The following STRN variants were observed in gnomAD, a reference collection of about 807,000 sequenced individuals.
STRN encodes protein phosphatase 2 regulatory subunit B'''alpha.
Under a neutral mutation model 96.3 loss-of-function variants are expected in STRN, and 53 were observed. The observed-to-expected ratio is 0.55, with a 90% CI of 0.44 to 0.69. The LOEUF is 0.69. Ranked by LOEUF, STRN falls within the 30% of genes least tolerant of loss-of-function variation. The probability of loss-of-function intolerance (pLI) is 0.00; values close to 1 mark genes in which losing one functional copy is unlikely to be tolerated. For synonymous variants in STRN, 428 were observed against 355.9 expected (o/e 1.20, Z -2.28); for missense variants, 987 against 963.9 (o/e 1.02, Z -0.32).
intron 1 of STRN, among the ~76,000 whole-genome samples, chr2:36,944,772 G>T (rs1306402781): frequency 6.6e-6 from 1 of 152,156 alleles, no homozygotes; most frequent in Non-Finnish European, 1.5e-5. Flanking sequence ...AGTTCAGAGA[G>T]GAGGAAACCC....
chr2:36,893,165 T>G (rs969447555), intron 7 of STRN, among the ~76,000 whole-genome samples: 1 of 152,218 alleles, frequency 6.6e-6, no homozygotes, highest in Non-Finnish European at 1.5e-5. Context: ...ATCCTGCTGC[T>G]GCAACTCAGT....
chr2:36,900,327 TTC>T (rs1669650336), intron 5 of STRN, among the ~76,000 whole-genome samples: 1 of 152,180 alleles, frequency 6.6e-6, no homozygotes, highest in Admixed American at 6.5e-5. Flanking sequence ...TCTACTCTTA[TTC>T]TCTCTACAAC....
chr2:36,966,179 G>C, intron 1 of STRN, 51 bp downstream of exon 1: 1 of 1,457,416 alleles, frequency 6.9e-7, no homozygotes, highest in East Asian at 2.9e-5. Context: ...GGGCGGGGCG[G>C]AAGGGAGCAA....
rs376105901 is a variant in STRN at position 36,901,506 on chromosome 2, G to A, written c.659+1078C>T. On this transcript the variant is annotated intron_variant, in intron 5 of 17. Coordinates refer to ENST00000263918, the MANE Select transcript of STRN (RefSeq NM_003162.4). Reference sequence around the variant, plus strand: ...GGCAGAGTTTGCAGTGAGCTGAGATGGCGCCACTGCACTCCAGCCTGGGTG... The same window carrying A: ...GGCAGAGTTTGCAGTGAGCTGAGATAGCGCCACTGCACTCCAGCCTGGGTG... 4.7e-5 allele frequency among the ~76,000 whole-genome samples: 7 copies of A among 149,150 alleles called. No individual in the cohort carries two copies. In the East Asian group the frequency reaches 1.4e-3, roughly 29 times the overall value.
At chr2:36,960,611 T>A (rs1472312081) in intron 1 of STRN, among the ~76,000 whole-genome samples, 1 of 152,206 alleles carries the variant, frequency 6.6e-6, no homozygotes, top group Admixed American at 6.5e-5. Context: ...CAAGGTAATT[T>A]ATTATCCTTA....
At chr2:36,877,094 T>C (rs531445551) in intron 10 of STRN, among the ~76,000 whole-genome samples, 1 of 152,294 alleles carries the variant, frequency 6.6e-6, no homozygotes, top group East Asian at 1.9e-4. Flanking sequence ...TAAGTAAATG[T>C]ATGCCCAAAG....
chr2:36,862,993 G>C (rs1296286452), intron 12 of STRN, among the ~76,000 whole-genome samples: 1 of 152,144 alleles, frequency 6.6e-6, no homozygotes, highest in African/African-American at 2.4e-5. Flanking sequence ...AAAGTGCTGG[G>C]ATTATAAGCG....
chr2:36,917,675 C>T (rs1670144401), intron 2 of STRN, among the ~76,000 whole-genome samples: 1 of 149,768 alleles, frequency 6.7e-6, no homozygotes, highest in Admixed American at 6.7e-5. Context: ...AAGTTTTAGA[C>T]AGAGAGGAAT....
At chr2:36,857,730 C>T (rs914646775) in intron 14 of STRN, 126 bp downstream of exon 14, 25 of 779,984 alleles carry the variant, frequency 3.2e-5, no homozygotes, top group Admixed American at 6.4e-5. Flanking sequence ...AACAAATACA[C>T]TTTCGTGGCT....
intron 1 of STRN, among the ~76,000 whole-genome samples, chr2:36,955,097 A>C (rs989970476): frequency 6.6e-6 from 1 of 152,240 alleles, no homozygotes; most frequent in African/African-American, 2.4e-5. Flanking sequence ...AACCATACTT[A>C]ATCATCTAAA....
At chr2:36,936,759 G>C (rs757108899) in intron 1 of STRN, among the ~76,000 whole-genome samples, 1 of 152,080 alleles carries the variant, frequency 6.6e-6, no homozygotes, top group African/African-American at 2.4e-5. Flanking sequence ...GATTATTTTT[G>C]ATGTTACCAG....
chr2:36,921,084 A>T (rs551199512), intron 2 of STRN, among the ~76,000 whole-genome samples: 19 of 152,024 alleles, frequency 1.2e-4, no homozygotes, highest in Non-Finnish European at 2.2e-4. Flanking sequence ...AAAGAAAAAA[A>T]AATAATAATA....
intron 2 of STRN, among the ~76,000 whole-genome samples, chr2:36,921,840 T>C (rs1255633365): frequency 1.3e-5 from 2 of 152,210 alleles, no homozygotes; most frequent in East Asian, 1.9e-4. Flanking sequence ...ATGTATTTCA[T>C]ACTCTATCTT....
intron 1 of STRN, among the ~76,000 whole-genome samples, chr2:36,938,856 T>C (rs1192544577): frequency 1.3e-5 from 2 of 152,266 alleles, no homozygotes; most frequent in Non-Finnish European, 2.9e-5. Context: ...CAGATATCTT[T>C]GAACATTTAT....
chr2:36,888,692 T>C (rs1669308953), intron 7 of STRN, among the ~76,000 whole-genome samples: 1 of 151,740 alleles, frequency 6.6e-6, no homozygotes, highest in Non-Finnish European at 1.5e-5. Context: ...CTTATCCATT[T>C]ATTTTTGAGG....
At chr2:36,911,447 A>T (rs1409135609) in intron 3 of STRN, among the ~76,000 whole-genome samples, 1 of 152,184 alleles carries the variant, frequency 6.6e-6, no homozygotes, top group Non-Finnish European at 1.5e-5. Flanking sequence ...CTGCATGTCA[A>T]ATCCAGCCTA....
rs141356757 is a variant in STRN at position 36,908,304 on chromosome 2, A to C, written c.413-2686T>G. 5.3e-5 allele frequency among the ~76,000 whole-genome samples: 8 copies of C among 152,352 alleles called. No individual in the cohort carries two copies. In the East Asian group the frequency reaches 1.5e-3, roughly 29 times the overall value. On this transcript the variant is annotated intron_variant, in intron 3 of 17. Transcript: ENST00000263918. ...CTTCTGCCTATTTTGGCAGCCAGTG[A>C]CATTACAAAAAAGTGTGATACAGCA...
At chr2:36,862,675 A>G (rs1668521843) in intron 12 of STRN, among the ~76,000 whole-genome samples, 1 of 151,456 alleles carries the variant, frequency 6.6e-6, no homozygotes, top group Non-Finnish European at 1.5e-5. Context: ...GGCCGCATGT[A>G]TGTCTTCTTT....
At chr2:36,925,332 A>C in intron 1 of STRN, 124 bp from the exon 2 acceptor site, 2 of 655,248 alleles carry the variant, frequency 3.1e-6, no homozygotes, top group South Asian at 1.9e-5. Flanking sequence ...CACATTTCTC[A>C]CAAAGTATGT....
Sources: gnomAD v4.1 joint callset for allele counts (sites outside exome capture counted in the v4.1 genomes callset) on GRCh38, gnomAD v4.1.1 for gene constraint, MANE v1.5 for transcripts, NCBI Gene and HGNC (gene_info 2026-07-23, HGNC 2026-07-21) for gene names.